Variants in FAT3 observed in about 807,000 individuals in gnomAD.
FAT3 encodes the protein protocadherin Fat 3.
In FAT3, 95 loss-of-function variants were observed where a neutral mutation model predicts 310.2. The ratio of observed to expected loss-of-function variants is 0.31; its 90% confidence interval spans 0.26 to 0.36. The LOEUF is 0.36. FAT3 is among the 10% of genes least tolerant of loss of function. FAT3 has a pLI of 1.00. For synonymous variants in FAT3, 2,314 were observed against 2,192.9 expected (o/e 1.06, Z -1.54); for missense variants, 5,408 against 5,715.6 (o/e 0.95, Z 1.74).
At chr11:92,447,222 C>CGTGTGTGCGTGT (rs1555049350) in intron 2 of FAT3, among the ~76,000 whole-genome samples, 2 of 146,298 alleles carry the variant, frequency 1.4e-5, no homozygotes, top group African/African-American at 2.5e-5. Flanking sequence ...TATATGTGTG[C>CGTGTGTGCGTGT]GTGTGTGTGT....
At chr11:92,368,927 C>T (rs11019933) in intron 2 of FAT3, among the ~76,000 whole-genome samples, 60 of 128,288 alleles carry the variant, frequency 4.7e-4, no homozygotes, top group African/African-American at 1.9e-3. Flanking sequence ...TATATATATA[C>T]ACACATATAT....
chr11:92,651,179 A>C (rs1942367693), intron 3 of FAT3, among the ~76,000 whole-genome samples: 1 of 152,238 alleles, frequency 6.6e-6, no homozygotes, highest in Admixed American at 6.5e-5. Context: ...TACTGTTCAC[A>C]AAAGAGTCTG....
chr11:92,496,188 G>A (rs534143708), intron 2 of FAT3, among the ~76,000 whole-genome samples: 3 of 152,118 alleles, frequency 2.0e-5, no homozygotes, highest in Admixed American at 6.5e-5. Context: ...GCTGGGTTTC[G>A]TAACGTATGT....
At chr11:92,823,241 A>G (rs940634913) in intron 13 of FAT3, among the ~76,000 whole-genome samples, 1 of 152,206 alleles carries the variant, frequency 6.6e-6, no homozygotes, top group Non-Finnish European at 1.5e-5. Context: ...TTGGGTAGCT[A>G]TCCAGCACAG....
At chr11:92,713,147 G>A (rs1346639637) in intron 4 of FAT3, among the ~76,000 whole-genome samples, 1 of 152,198 alleles carries the variant, frequency 6.6e-6, no homozygotes, top group Admixed American at 6.5e-5. Context: ...TGGACCCAGG[G>A]ATCTTAGAAA....
intron 3 of FAT3, among the ~76,000 whole-genome samples, chr11:92,696,899 T>C (rs1943956735): frequency 6.6e-6 from 1 of 152,214 alleles, no homozygotes; most frequent in African/African-American, 2.4e-5. Context: ...GAAATAATTA[T>C]GTGTACAAGT....
chr11:92,705,381 G>C (rs200524577), intron 4 of FAT3, among the ~76,000 whole-genome samples: 3 of 129,822 alleles, frequency 2.3e-5, no homozygotes, highest in African/African-American at 8.5e-5. Flanking sequence ...TGATGGTGTT[G>C]GTGGTGGTGG....
At chr11:92,638,649 C>T (rs1411893368) in intron 3 of FAT3, among the ~76,000 whole-genome samples, 3 of 152,124 alleles carry the variant, frequency 2.0e-5, no homozygotes, top group African/African-American at 4.8e-5. Flanking sequence ...ACTTGAAGCA[C>T]GTCTCATAGG....
chr11:92,561,072 G>A (rs996737625), intron 3 of FAT3, among the ~76,000 whole-genome samples: 2 of 152,202 alleles, frequency 1.3e-5, no homozygotes, highest in Admixed American at 1.3e-4. Context: ...TGGGTAGGCA[G>A]CACTTATCTG....
At chr11:92,370,014 G>A (rs372270554) in intron 2 of FAT3, among the ~76,000 whole-genome samples, 1 of 152,104 alleles carries the variant, frequency 6.6e-6, no homozygotes, top group African/African-American at 2.4e-5. Context: ...CAGTATCCAG[G>A]AAGCACACTA....
chr11:92,703,990 G>A (rs1387189445), intron 4 of FAT3, among the ~76,000 whole-genome samples: 3 of 152,188 alleles, frequency 2.0e-5, no homozygotes, highest in Non-Finnish European at 2.9e-5. Flanking sequence ...GTGATCCAAG[G>A]TCATACAACT....
At chr11:92,650,113 AT>A (rs11357492) in intron 3 of FAT3, among the ~76,000 whole-genome samples, 72,581 of 149,004 alleles carry the variant, frequency 0.49, 17,647 homozygotes, top group African/African-American at 0.51. Context: ...TTGAAATGCC[AT>A]TTTTTTTTTG....
intron 2 of FAT3, among the ~76,000 whole-genome samples, chr11:92,468,074 G>A (rs568633002): frequency 2.6e-5 from 4 of 152,314 alleles, no homozygotes; most frequent in African/African-American, 2.4e-5. Context: ...CATATGGAGA[G>A]TCACACCAGT....
At chr11:92,621,454 T>C (rs552411436) in intron 3 of FAT3, among the ~76,000 whole-genome samples, 1 of 152,338 alleles carries the variant, frequency 6.6e-6, no homozygotes, top group South Asian at 2.1e-4. Context: ...CTCCTTGAGA[T>C]GTTAAAGCTT....
chr11:92,797,830 T>C lies in FAT3; in HGVS notation c.4823-6T>C. Reference sequence around the variant, plus strand: ...ACTCATTTCACCATTGATTTCTGTATTTTAGGGAACACTGGGAACATGTTT... The same window carrying C: ...ACTCATTTCACCATTGATTTCTGTACTTTAGGGAACACTGGGAACATGTTT... On this transcript the variant is annotated splice_region_variant and splice_polypyrimidine_tract_variant and intron_variant, in intron 9 of 27. Transcript: ENST00000525166. The C allele has an allele frequency of 6.2e-7, 1 of 1,603,782 alleles. No individual in the cohort carries two copies. Among genetic ancestry groups the C allele is most frequent in the Non-Finnish European group, 8.5e-7 (1 of 1,172,834 alleles).
At chr11:92,309,095 G>A (rs1439805678) in intron 1 of FAT3, among the ~76,000 whole-genome samples, 2 of 152,014 alleles carry the variant, frequency 1.3e-5, no homozygotes, top group Non-Finnish European at 2.9e-5. Flanking sequence ...CTGGTGATTT[G>A]GCCAGCTCGT....
intron 22 of FAT3, among the ~76,000 whole-genome samples, chr11:92,868,950 A>G (rs960417908): frequency 1.3e-5 from 2 of 152,166 alleles, no homozygotes; most frequent in East Asian, 1.9e-4. Flanking sequence ...TATACTTTTC[A>G]TATAACCTAG....
chr11:92,555,343 T>C (rs909984812), intron 3 of FAT3, among the ~76,000 whole-genome samples: 3 of 152,242 alleles, frequency 2.0e-5, no homozygotes, highest in African/African-American at 7.2e-5. Context: ...AGTAATATTA[T>C]GTAACTTTGC....
chr11:92,666,062 T>C (rs1942938369), intron 3 of FAT3, among the ~76,000 whole-genome samples: 1 of 152,186 alleles, frequency 6.6e-6, no homozygotes, highest in South Asian at 2.1e-4. Context: ...GCTTATATTT[T>C]TCTCTATTTA....
Sources: allele counts gnomAD v4.1 joint callset (sites outside exome capture counted in the v4.1 genomes callset), GRCh38; gene constraint gnomAD v4.1.1; transcripts MANE v1.5; gene names NCBI Gene and HGNC (gene_info 2026-07-23, HGNC 2026-07-21).